MAGI2: variants seen among roughly 807,000 people sequenced by gnomAD.
MAGI2 encodes the protein membrane-associated guanylate kinase, WW and PDZ domain-containing protein 2.
MAGI2 carries 35 observed loss-of-function variants against 133.3 expected under a neutral mutation model. The observed-to-expected ratio is 0.26, with a 90% confidence interval of 0.20 to 0.35. MAGI2 has a LOEUF of 0.35. Ranked by LOEUF, MAGI2 falls within the 10% of genes least tolerant of loss-of-function variation. The pLI is 1.00. For missense variants in MAGI2, 1,636 were observed against 1,863.4 expected, an observed-to-expected ratio of 0.88 and a Z score of 2.25; for synonymous variants, 729 against 710.6, an observed-to-expected ratio of 1.03 and a Z score of -0.41.
rs562770833 is a variant in MAGI2 at position 78,814,134 on chromosome 7, A to C, written c.419-186895T>G. Among the ~76,000 whole-genome samples the C allele has an allele frequency of 4.6e-5, 7 of 152,252 alleles. No individual in the cohort carries two copies. The South Asian group carries it at 1.5e-3, about 32-fold the overall frequency. The stretch of plus-strand genomic sequence containing the variant: ...AATAAAAAAGCCAACTTGTAGATCT[A>C]ATAAGTGAGTTTGGTAATGTCATAG... On this transcript the variant is annotated intron_variant, in intron 2 of 21. Transcript: ENST00000354212.
intron 1 of MAGI2, among the ~76,000 whole-genome samples, chr7:79,423,042 C>A (rs13222501): frequency 6.6e-6 from 1 of 151,904 alleles, no homozygotes; most frequent in Non-Finnish European, 1.5e-5. Flanking sequence ...CACAAGATTG[C>A]GTTACATGGC....
chr7:78,467,718 A>G (rs1790778835), intron 6 of MAGI2, among the ~76,000 whole-genome samples: 2 of 152,134 alleles, frequency 1.3e-5, no homozygotes, highest in Admixed American at 1.3e-4. Context: ...GAATTCTTAT[A>G]TATGTGTGAA....
At chr7:79,135,995 G>GAAAGAA (rs1821397332) in intron 1 of MAGI2, among the ~76,000 whole-genome samples, 1 of 37,354 alleles carries the variant, frequency 2.7e-5, no homozygotes, top group Admixed American at 3.1e-4. Flanking sequence ...AAGAAAGAAA[G>GAAAGAA]AAAGAAAGAG....
chr7:78,428,610 C>A (rs1034471462), intron 6 of MAGI2, among the ~76,000 whole-genome samples: 1 of 152,174 alleles, frequency 6.6e-6, no homozygotes, highest in East Asian at 1.9e-4. Context: ...GGAATACCTG[C>A]AAACACATGC....
intron 1 of MAGI2, among the ~76,000 whole-genome samples, chr7:79,342,455 G>T: frequency 6.6e-6 from 1 of 152,152 alleles, no homozygotes; most frequent in East Asian, 1.9e-4. Context: ...AACAAAGTGG[G>T]TTTTATCTTT....
At chr7:78,674,591 A>G (rs908718089) in intron 2 of MAGI2, among the ~76,000 whole-genome samples, 3 of 152,146 alleles carry the variant, frequency 2.0e-5, no homozygotes, top group African/African-American at 4.8e-5. Context: ...ATCAATGTGA[A>G]TAAGAAATTC....
chr7:78,065,234 G>A (rs1042883379), intron 21 of MAGI2, among the ~76,000 whole-genome samples: 1 of 152,184 alleles, frequency 6.6e-6, no homozygotes, highest in South Asian at 2.1e-4. Flanking sequence ...CTTTGGCTGA[G>A]AGGAAACAAA....
chr7:79,065,646 T>C (rs532916074), intron 1 of MAGI2, among the ~76,000 whole-genome samples: 10 of 152,242 alleles, frequency 6.6e-5, no homozygotes, highest in African/African-American at 2.4e-4. Context: ...TGTGCCATAG[T>C]GGTTTGCTGC....
chr7:79,107,147 A>G (rs543135098), intron 1 of MAGI2, among the ~76,000 whole-genome samples: 1 of 152,342 alleles, frequency 6.6e-6, no homozygotes, highest in South Asian at 2.1e-4. Flanking sequence ...AGGTGGGCCC[A>G]GTCTAACCAC....
intron 3 of MAGI2, chr7:78,554,727 G>A (rs1563161984): frequency 6.6e-6 from 1 of 152,200 alleles, no homozygotes; most frequent in Non-Finnish European, 1.5e-5. Context: ...TCACAGAGAG[G>A]AACTTGAACA....
intron 3 of MAGI2, chr7:78,621,325 A>G (rs186904399): frequency 4.6e-4 from 70 of 152,108 alleles, no homozygotes; most frequent in African/African-American, 1.5e-3. Context: ...CATAGTTTCT[A>G]TGTTACTTGA....
Position 78,383,935 on chromosome 7 carries a change from T to C in MAGI2, c.1046-14722A>G, listed in dbSNP as rs527709375. On this transcript the variant is annotated intron_variant, in intron 6 of 21. Coordinates refer to ENST00000354212, the MANE Select transcript of MAGI2 (RefSeq NM_012301.4). ...GTGGCTTTATTTCTGGATTCTCCAT[T>C]CTGTTATATTGGTCTATGTATCCAT... Among the ~76,000 whole-genome samples the C allele has an allele frequency of 3.9e-5, 6 of 152,310 alleles. No individual in the cohort carries two copies. In the South Asian group the frequency reaches 1.2e-3, roughly 32 times the overall value.
At chr7:79,379,076 C>T (rs1843599528) in intron 1 of MAGI2, among the ~76,000 whole-genome samples, 1 of 150,124 alleles carries the variant, frequency 6.7e-6, no homozygotes, top group South Asian at 2.1e-4. Context: ...TCGTCATTTA[C>T]ATTAGGTATA....
intron 9 of MAGI2, among the ~76,000 whole-genome samples, chr7:78,283,188 A>G (rs1286514811): frequency 6.6e-6 from 1 of 152,104 alleles, no homozygotes; most frequent in Non-Finnish European, 1.5e-5. Flanking sequence ...AAATTTGAAT[A>G]TTCTAAAACT....
intron 4 of MAGI2, among the ~76,000 whole-genome samples, chr7:78,509,984 T>C (rs1480134134): frequency 1.3e-5 from 2 of 152,236 alleles, no homozygotes; most frequent in African/African-American, 4.8e-5. Context: ...ATAATGGCTA[T>C]GTGACAACTT....
intron 1 of MAGI2, among the ~76,000 whole-genome samples, chr7:79,211,276 CTTTT>C (rs1023627479): frequency 8.6e-5 from 13 of 151,730 alleles, no homozygotes; most frequent in Admixed American, 6.6e-5. Flanking sequence ...ACAAACCTTT[CTTTT>C]TATTTATTTT....
chr7:79,315,481 G>GT (rs970201403), intron 1 of MAGI2, among the ~76,000 whole-genome samples: 8 of 151,354 alleles, frequency 5.3e-5, no homozygotes, highest in South Asian at 4.2e-4. Context: ...AGCCTAATTC[G>GT]TTTTTTTTAA....
chr7:78,754,560 T>C (rs1056448369), intron 2 of MAGI2, among the ~76,000 whole-genome samples: 1 of 152,162 alleles, frequency 6.6e-6, no homozygotes, highest in African/African-American at 2.4e-5. Flanking sequence ...ATCAAAATTC[T>C]TAGAGGCTCT....
intron 1 of MAGI2, among the ~76,000 whole-genome samples, chr7:79,427,468 A>C (rs1157263585): frequency 6.6e-6 from 1 of 152,220 alleles, no homozygotes; most frequent in Non-Finnish European, 1.5e-5. Flanking sequence ...TAAAACAGAC[A>C]AATAAAAGAA....
Sources: gnomAD v4.1 joint callset for allele counts (sites outside exome capture counted in the v4.1 genomes callset) on GRCh38, gnomAD v4.1.1 for gene constraint, MANE v1.5 for transcripts, NCBI Gene and HGNC (gene_info 2026-07-23, HGNC 2026-07-21) for gene names.